The following SCIMP variants were observed in gnomAD, a reference collection of about 807,000 sequenced individuals.
SCIMP encodes the protein SLP adapter and CSK-interacting membrane protein.
SCIMP carries 18 observed loss-of-function variants against 22.0 expected under a neutral mutation model. The ratio of observed to expected loss-of-function variants is 0.82; its 90% CI spans 0.56 to 1.21. The LOEUF is 1.21. Ranked by LOEUF, SCIMP falls within the 50% of genes most tolerant of loss-of-function variation. The pLI, the probability that SCIMP is intolerant of heterozygous loss-of-function variation, is 0.00. For missense variants in SCIMP, 155 were observed against 171.2 expected, an observed-to-expected ratio of 0.91 and a Z score of 0.53; for synonymous variants, 53 against 62.2, an observed-to-expected ratio of 0.85 and a Z score of 0.70.
At chr17:5,223,746 CGCCACGTTG>C (rs1420295254) in intron 1 of SCIMP, 5 of 355,906 alleles carry the variant, frequency 1.4e-5, no homozygotes, top group Non-Finnish European at 2.2e-5. Flanking sequence ...GATGGGGTTT[CGCCACGTTG>C]GCCAGGCTGG....
intron 1 of SCIMP, among the ~76,000 whole-genome samples, chr17:5,224,592 G>C (rs535575699): frequency 6.6e-6 from 1 of 151,766 alleles, no homozygotes; most frequent in South Asian, 2.1e-4. Context: ...GAGTAGCTGG[G>C]ATTAAAGGTG....
rs145276696 is a variant in SCIMP at position 5,225,998 on chromosome 17, A to C, written c.22-2542T>G. 1.5e-3 allele frequency among the ~76,000 whole-genome samples: 227 copies of C among 152,124 alleles called. 1 individual carries two copies. The highest frequency in any genetic ancestry group is 5.3e-3 in the African/African-American group (222 of 41,500). Reference sequence around the variant, plus strand: ...CTTGGTGTGTGGCGGAAAAACCCTCACACATTTGGTCACAGAAGCCCTTTT... The same window carrying C: ...CTTGGTGTGTGGCGGAAAAACCCTCCCACATTTGGTCACAGAAGCCCTTTT... On this transcript the variant is annotated intron_variant, in intron 1 of 4. Coordinates refer to ENST00000574081, the MANE Select transcript of SCIMP (RefSeq NM_207103.3).
intron 3 of SCIMP, among the ~76,000 whole-genome samples, chr17:5,217,493 T>C (rs1434776200): frequency 1.3e-5 from 2 of 152,012 alleles, no homozygotes; most frequent in Non-Finnish European, 2.9e-5. Context: ...ACGTGTGCCA[T>C]GTTGATGTGC....
At chr17:5,220,444 A>G (rs1289245607) in intron 3 of SCIMP, among the ~76,000 whole-genome samples, 1 of 151,070 alleles carries the variant, frequency 6.6e-6, no homozygotes, top group Non-Finnish European at 1.5e-5. Flanking sequence ...AAAAAAAAAA[A>G]AAAAAAAAAA....
intron 2 of SCIMP, among the ~76,000 whole-genome samples, chr17:5,222,644 A>G (rs1398078690): frequency 3.3e-5 from 5 of 151,994 alleles, no homozygotes; most frequent in African/African-American, 1.2e-4. Flanking sequence ...TTGAGTCCAT[A>G]TTTTATTCCT....
chr17:5,223,458 TGAGAAGAATGGAGA>T lies in SCIMP; in HGVS notation c.22-16_22-3del. The T allele has an allele frequency of 6.2e-7, 1 of 1,613,588 alleles. No individual in the cohort carries two copies. The highest frequency in any genetic ancestry group is 2.2e-5 in the East Asian group (1 of 44,882). On this transcript the variant is annotated splice_region_variant and splice_polypyrimidine_tract_variant and intron_variant, in intron 1 of 4. Transcript: ENST00000574081. Reference sequence around the variant, plus strand: ...CCACCAGCTCATTGCAGTGGAATCCTGAGAAGAATGGAGAGAGAAGAATGAGGTATGAATGAAAG... The same window carrying T: ...CCACCAGCTCATTGCAGTGGAATCCTGAGAAGAATGAGGTATGAATGAAAG...
At chr17:5,229,539 G>A (rs764360376) in intron 1 of SCIMP, among the ~76,000 whole-genome samples, 11 of 151,322 alleles carry the variant, frequency 7.3e-5, no homozygotes, top group South Asian at 4.2e-4. Flanking sequence ...GACTACAGTC[G>A]CACGCCACCA....
chr17:5,212,041 CTG>C (rs1231308936), intron 4 of SCIMP, among the ~76,000 whole-genome samples: 1 of 151,024 alleles, frequency 6.6e-6, no homozygotes, highest in Non-Finnish European at 1.5e-5. Flanking sequence ...GAGCGAGACT[CTG>C]TCTCAAAAAA....
chr17:5,228,573 G>A (rs1337376161), intron 1 of SCIMP, among the ~76,000 whole-genome samples: 1 of 150,704 alleles, frequency 6.6e-6, no homozygotes. Context: ...TGAGCCCAGG[G>A]ATTCGAGGCT....
intron 3 of SCIMP, among the ~76,000 whole-genome samples, chr17:5,216,687 A>C (rs2074567941): frequency 6.6e-6 from 1 of 151,806 alleles, no homozygotes; most frequent in African/African-American, 2.4e-5. Context: ...AACAAAAAAC[A>C]AAAAAAACCC....
At chr17:5,229,802 A>T (rs1240088101) in intron 1 of SCIMP, among the ~76,000 whole-genome samples, 6 of 151,504 alleles carry the variant, frequency 4.0e-5, no homozygotes, top group Non-Finnish European at 5.9e-5. Context: ...TAGGCTGGCC[A>T]TCAAGGGAAC....
chr17:5,215,042 A>T, intron 3 of SCIMP, 44 bp from the exon 4 acceptor site: 1 of 1,242,796 alleles, frequency 8.0e-7, no homozygotes, highest in Non-Finnish European at 1.2e-6. Flanking sequence ...GGTTTGGGCC[A>T]TGCCTGCTCC....
At chr17:5,212,361 G>A (rs970736188) in intron 4 of SCIMP, among the ~76,000 whole-genome samples, 3 of 151,904 alleles carry the variant, frequency 2.0e-5, no homozygotes, top group Admixed American at 1.3e-4. Context: ...TGGGCCGGGC[G>A]CGGTGGCTCA....
chr17:5,221,806 C>T (rs1444266624), intron 2 of SCIMP, among the ~76,000 whole-genome samples: 10 of 152,114 alleles, frequency 6.6e-5, no homozygotes, highest in Non-Finnish European at 2.9e-5. Context: ...GAGCCTCACT[C>T]TTGTTGCCCA....
At chr17:5,232,364 G>GCAAACAGTGCAGTA (rs2074705322) in intron 1 of SCIMP, among the ~76,000 whole-genome samples, 4 of 7,152 alleles carry the variant, frequency 5.6e-4, no homozygotes, top group African/African-American at 3.1e-3. Flanking sequence ...ACAGTGCAGT[G>GCAAACAGTGCAGTA]TAAACAGTGC....
chr17:5,215,871 A>G (rs1037722756), intron 3 of SCIMP, among the ~76,000 whole-genome samples: 1 of 152,166 alleles, frequency 6.6e-6, no homozygotes, highest in African/African-American at 2.4e-5. Flanking sequence ...TCAAATGTCC[A>G]TCAGCAGTAG....
chr17:5,226,283 A>G (rs1305363461), intron 1 of SCIMP, among the ~76,000 whole-genome samples: 1 of 152,144 alleles, frequency 6.6e-6, no homozygotes, highest in East Asian at 1.9e-4. Flanking sequence ...TAAATTGGCC[A>G]TGTAGTGTAG....
intron 4 of SCIMP, chr17:5,214,691 T>A (rs2074551153): frequency 4.5e-6 from 2 of 442,904 alleles, no homozygotes; most frequent in Non-Finnish European, 8.0e-6. Context: ...ATACAAAAAA[T>A]TAGCTGGGCG....
At position 5,234,809 on chromosome 17, in the gene SCIMP, C is replaced by G. The variant is rs754876989; in HGVS notation, c.-54G>C. The stretch of plus-strand genomic sequence containing the variant: ...CTGGAGTGCTGCAGCTCAGGCACAG[C>G]TGGTGAGAGGCATTCCTCACTCACA... On this transcript the variant is annotated 5_prime_UTR_variant, in exon 1 of 5. Transcript: ENST00000574081. The G allele has an allele frequency of 2.5e-5, 39 of 1,585,936 alleles. No individual in the cohort carries two copies. The highest frequency in any genetic ancestry group is 3.3e-5 in the Non-Finnish European group (39 of 1,165,882).
Sources: allele counts gnomAD v4.1 joint callset (sites outside exome capture counted in the v4.1 genomes callset), GRCh38; gene constraint gnomAD v4.1.1; transcripts MANE v1.5; gene names NCBI Gene and HGNC (gene_info 2026-07-23, HGNC 2026-07-21).